Variants in SMG7 observed in about 807,000 individuals in gnomAD.
SMG7 encodes the protein nonsense-mediated mRNA decay factor SMG7.
A neutral mutation model predicts 148.2 loss-of-function variants in SMG7; 34 were observed. That is an observed-to-expected ratio of 0.23 (90% confidence interval 0.17 to 0.31). The LOEUF is 0.31. Among genes scored for constraint, SMG7 ranks in the 10% least tolerant of loss-of-function variants. SMG7 has a pLI of 1.00. For missense variants in SMG7, 1,114 were observed against 1,408.4 expected (o/e 0.79, Z 3.35); for synonymous variants, 492 against 515.1 (o/e 0.96, Z 0.61).
intron 1 of SMG7, among the ~76,000 whole-genome samples, chr1:183,478,433 G>A (rs187277097): frequency 6.6e-6 from 1 of 152,082 alleles, no homozygotes; most frequent in Admixed American, 6.5e-5. Context: ...CTTGGATATT[G>A]TCTGACTAAA....
intron 1 of SMG7, among the ~76,000 whole-genome samples, chr1:183,499,264 C>G (rs952413503): frequency 6.6e-6 from 1 of 152,112 alleles, no homozygotes; most frequent in Non-Finnish European, 1.5e-5. Flanking sequence ...GTTTTCAGCT[C>G]AATTGAATAA....
chr1:183,524,153 C>T (rs1237379033), intron 4 of SMG7, among the ~76,000 whole-genome samples: 2 of 151,982 alleles, frequency 1.3e-5, no homozygotes, highest in Non-Finnish European at 2.9e-5. Context: ...TATATCATAG[C>T]TCACTGCGGC....
intron 11 of SMG7, 60 bp from the exon 12 acceptor site, chr1:183,538,320 G>T (rs1396407550): frequency 8.9e-7 from 1 of 1,128,686 alleles, no homozygotes; most frequent in East Asian, 2.3e-5. Flanking sequence ...TTAGTGAACA[G>T]TATTCCACCA....
chr1:183,550,602 T>C, intron 20 of SMG7, 149 bp from the exon 21 acceptor site: 1 of 756,956 alleles, frequency 1.3e-6, no homozygotes, highest in Non-Finnish European at 2.1e-6. Context: ...ATCTAGCAGA[T>C]CTCTTTGGAG....
At chr1:183,494,720 G>T (rs1571830574) in intron 1 of SMG7, among the ~76,000 whole-genome samples, 2 of 105,030 alleles carry the variant, frequency 1.9e-5, no homozygotes, top group South Asian at 3.2e-4. Context: ...CTTCTGGCTT[G>T]TCTTTTTTCT....
At chr1:183,524,240 C>T (rs1258239906) in intron 4 of SMG7, among the ~76,000 whole-genome samples, 1 of 152,114 alleles carries the variant, frequency 6.6e-6, no homozygotes, top group Non-Finnish European at 1.5e-5. Context: ...CATGCCACCA[C>T]ACGTGGCTAA....
chr1:183,476,142 A>G (rs767946588), intron 1 of SMG7, among the ~76,000 whole-genome samples: 43 of 152,204 alleles, frequency 2.8e-4, no homozygotes, highest in Non-Finnish European at 4.4e-4. Context: ...GGGACACTAG[A>G]GAATGTCTTT....
At chr1:183,526,812 C>A (rs531802842) in intron 5 of SMG7, 45 bp downstream of exon 5, 17 of 1,520,476 alleles carry the variant, frequency 1.1e-5, no homozygotes, top group Non-Finnish European at 1.5e-5. Context: ...TCCTCCTTTT[C>A]TTTGGAATAG....
Position 183,488,717 on chromosome 1 carries a change from ACT to A in SMG7, c.29+16071_29+16072del, listed in dbSNP as rs1244585994. Among the ~76,000 whole-genome samples, 18 of 115,054 alleles carry A rather than the reference ACT, an allele frequency of 1.6e-4. No homozygotes were observed. The Admixed American group carries it at 2.3e-3, about 15-fold the overall frequency. The allele number at this position is 115,054 out of a possible 152,430, so 75.5% of individuals were successfully genotyped here. A position where few individuals can be genotyped will look rare whatever the true frequency, so the allele number is the denominator to read the frequency against. The stretch of plus-strand genomic sequence containing the variant: ...TTTTTTTTTTTTTTGAGACGGTCTC[ACT>A]CTGTTGCCCAGGCTGGAGTGCAGTG... On this transcript the variant is annotated intron_variant, in intron 1 of 22. Coordinates refer to ENST00000688051, the MANE Select transcript of SMG7 (RefSeq NM_001375584.1).
At chr1:183,509,605 A>G (rs529501768) in intron 1 of SMG7, among the ~76,000 whole-genome samples, 17 of 152,298 alleles carry the variant, frequency 1.1e-4, no homozygotes, top group African/African-American at 4.1e-4. Flanking sequence ...GGTTACTTTT[A>G]AAAAGAAAGC....
chr1:183,542,721 T>G (rs533705356), intron 14 of SMG7, among the ~76,000 whole-genome samples: 2 of 152,208 alleles, frequency 1.3e-5, no homozygotes, highest in African/African-American at 4.8e-5. Flanking sequence ...TTTGACACTT[T>G]CGTCAGTCTT....
At chr1:183,485,258 TTTTTA>T (rs1655155107) in intron 1 of SMG7, among the ~76,000 whole-genome samples, 3 of 152,294 alleles carry the variant, frequency 2.0e-5, no homozygotes, top group East Asian at 1.9e-4. Context: ...TATGATTTTA[TTTTTA>T]TTTTATTTTT....
At position 183,527,708 on chromosome 1, in the gene SMG7, G is replaced by A. The variant is rs754692913; in HGVS notation, c.485-248G>A. ...GTGGGAGCTGGTGATGCATGACACT[G>A]GAGGACCTGAAAATGGGGTCTAGGT... On this transcript the variant is annotated intron_variant, in intron 5 of 22. Coordinates refer to ENST00000688051, the MANE Select transcript of SMG7 (RefSeq NM_001375584.1). The surrounding 1 kb of genome is among the most constrained non-coding windows in gnomAD (Gnocchi z 4.0). The A allele has an allele frequency of 3.8e-6, 2 of 533,104 alleles. No individual in the cohort carries two copies. The highest frequency in any genetic ancestry group is 9.8e-5 in the East Asian group (2 of 20,322). 33.0% of individuals were successfully genotyped at this position (533,104 alleles called of 1,614,324 possible).
chr1:183,540,715 GTTTA>G (rs1286716586), intron 12 of SMG7, among the ~76,000 whole-genome samples: 1 of 152,096 alleles, frequency 6.6e-6, no homozygotes, highest in Non-Finnish European at 1.5e-5. Flanking sequence ...AAAAGTTGTG[GTTTA>G]TTTGAGCTCC....
At chr1:183,495,187 T>C (rs1435462987) in intron 1 of SMG7, among the ~76,000 whole-genome samples, 1 of 152,074 alleles carries the variant, frequency 6.6e-6, no homozygotes, top group African/African-American at 2.4e-5. Context: ...TTATCATTGT[T>C]TTTCAGCGAT....
At chr1:183,550,988 C>T in intron 21 of SMG7, 57 bp from the exon 22 acceptor site, 1 of 1,613,252 alleles carries the variant, frequency 6.2e-7, no homozygotes, top group South Asian at 1.1e-5. Context: ...TGGGGTCTGG[C>T]AATTGGCAGT....
At chr1:183,473,785 C>A (rs1033102207) in intron 1 of SMG7, 4 of 984,934 alleles carry the variant, frequency 4.1e-6, no homozygotes, top group South Asian at 9.4e-5. Context: ...TCATACCTTG[C>A]GGAGGAGGGA....
At chr1:183,548,979 T>C (rs550509746) in intron 18 of SMG7, 43 of 545,638 alleles carry the variant, frequency 7.9e-5, no homozygotes, top group Admixed American at 7.6e-4. Context: ...TGCCAGAATA[T>C]AATCTCTGAC....
At chr1:183,510,842 CT>C (rs1047487209) in intron 1 of SMG7, among the ~76,000 whole-genome samples, 3 of 152,052 alleles carry the variant, frequency 2.0e-5, no homozygotes, top group Non-Finnish European at 4.4e-5. Flanking sequence ...TATTCTCTAG[CT>C]TTCATGCTAA....
Sources: allele counts gnomAD v4.1 joint callset (sites outside exome capture counted in the v4.1 genomes callset), GRCh38; gene constraint gnomAD v4.1.1; non-coding constraint Gnocchi (gnomAD v3.1); transcripts MANE v1.5; gene names NCBI Gene and HGNC (gene_info 2026-07-23, HGNC 2026-07-21).